The following TMEM266 variants were observed in gnomAD, a reference collection of about 807,000 sequenced individuals.
TMEM266 encodes transmembrane protein 266, also known as Hv1 related protein 1.
In TMEM266, 33 loss-of-function variants were observed where a neutral mutation model predicts 50.5. The observed-to-expected ratio is 0.65, with a 90% confidence interval of 0.50 to 0.87. TMEM266 has a LOEUF of 0.87. Among genes scored for constraint, TMEM266 ranks in the 40% least tolerant of loss-of-function variants. TMEM266 has a pLI of 0.00. For synonymous variants in TMEM266, 310 were observed against 292.3 expected (o/e 1.06, Z -0.62); for missense variants, 655 against 695.1 (o/e 0.94, Z 0.65).
At chr15:76,062,107 T>C (rs1414320123) in intron 1 of TMEM266, among the ~76,000 whole-genome samples, 2 of 152,236 alleles carry the variant, frequency 1.3e-5, no homozygotes, top group African/African-American at 2.4e-5. Context: ...GACTTAGAAA[T>C]TGCTGTAGTT....
chr15:76,159,020 C>T (rs2037971118), intron 4 of TMEM266, among the ~76,000 whole-genome samples: 1 of 144,860 alleles, frequency 6.9e-6, no homozygotes, highest in African/African-American at 2.7e-5. Flanking sequence ...TCCCTTGGCC[C>T]TGGGGGGGGT....
intron 1 of TMEM266, among the ~76,000 whole-genome samples, chr15:76,116,472 C>T (rs1413077839): frequency 1.3e-5 from 2 of 151,990 alleles, no homozygotes; most frequent in African/African-American, 2.4e-5. Context: ...TCAGAGACAC[C>T]GTCCTGTCCC....
At chr15:76,095,651 C>T (rs1157529918) in intron 1 of TMEM266, among the ~76,000 whole-genome samples, 1 of 152,024 alleles carries the variant, frequency 6.6e-6, no homozygotes, top group Non-Finnish European at 1.5e-5. Flanking sequence ...GGAGGATTCC[C>T]TCTTTTTCTA....
chr15:76,166,761 TAGAGACAG>T (rs1283035740), intron 5 of TMEM266, among the ~76,000 whole-genome samples: 3 of 152,140 alleles, frequency 2.0e-5, no homozygotes, highest in Non-Finnish European at 2.9e-5. Context: ...GTCAGATTCA[TAGAGACAG>T]AAAGTAGAAT....
intron 1 of TMEM266, among the ~76,000 whole-genome samples, chr15:76,067,632 C>CAA (rs1161784184): frequency 4.4e-5 from 3 of 67,470 alleles, no homozygotes; most frequent in African/African-American, 9.8e-5. Context: ...GGCTGCGTCT[C>CAA]AAAAAAAAAA....
At chr15:76,141,790 C>A in intron 3 of TMEM266, among the ~76,000 whole-genome samples, 1 of 152,194 alleles carries the variant, frequency 6.6e-6, no homozygotes, top group East Asian at 1.9e-4. Context: ...CTTTCTGTCC[C>A]TTTGAATTCG....
At chr15:76,135,384 C>T (rs1413914656) in intron 2 of TMEM266, among the ~76,000 whole-genome samples, 5 of 152,194 alleles carry the variant, frequency 3.3e-5, no homozygotes, top group East Asian at 3.8e-4. Flanking sequence ...GGTGCCGGGC[C>T]GCTGGGACCA....
At chr15:76,165,358 C>T (rs567379983) in intron 5 of TMEM266, among the ~76,000 whole-genome samples, 2 of 152,368 alleles carry the variant, frequency 1.3e-5, no homozygotes, top group South Asian at 2.1e-4. Context: ...ACCTCAGTTT[C>T]TGCATCTCTC....
intron 3 of TMEM266, among the ~76,000 whole-genome samples, chr15:76,142,747 C>T (rs191538703): frequency 6.6e-6 from 1 of 152,196 alleles, no homozygotes; most frequent in Non-Finnish European, 1.5e-5. Context: ...CTTGACTTGC[C>T]TAGAAGCCCT....
intron 8 of TMEM266, among the ~76,000 whole-genome samples, chr15:76,182,826 A>G (rs2038436880): frequency 6.6e-6 from 1 of 152,154 alleles, no homozygotes; most frequent in African/African-American, 2.4e-5. Context: ...TTCTTTGGCC[A>G]GATCCTGTAG....
intron 9 of TMEM266, among the ~76,000 whole-genome samples, chr15:76,201,255 C>T (rs1385282519): frequency 6.6e-6 from 1 of 152,198 alleles, no homozygotes; most frequent in Non-Finnish European, 1.5e-5. Context: ...GCCTCGCTGC[C>T]CTTGGAACAA....
At chr15:76,080,999 C>T (rs2036684733) in intron 1 of TMEM266, among the ~76,000 whole-genome samples, 1 of 152,148 alleles carries the variant, frequency 6.6e-6, no homozygotes, top group Non-Finnish European at 1.5e-5. Flanking sequence ...GACCCTTCCA[C>T]CTGGCCTCCC....
At chr15:76,141,039 C>A (rs1225712693) in intron 3 of TMEM266, among the ~76,000 whole-genome samples, 1 of 151,962 alleles carries the variant, frequency 6.6e-6, no homozygotes, top group Non-Finnish European at 1.5e-5. Context: ...CCTGTCTCAA[C>A]AACAACAAAA....
At chr15:76,109,239 G>A (rs1469797023) in intron 1 of TMEM266, 2 of 152,386 alleles carry the variant, frequency 1.3e-5, no homozygotes, top group African/African-American at 4.8e-5. Flanking sequence ...CAAAGGGTCA[G>A]GTGGAGTTGT....
intron 1 of TMEM266, among the ~76,000 whole-genome samples, chr15:76,120,185 T>C (rs1415467703): frequency 6.6e-6 from 1 of 152,028 alleles, no homozygotes; most frequent in Non-Finnish European, 1.5e-5. Context: ...TACAAGAATG[T>C]TTCTAATAGC....
intron 1 of TMEM266, among the ~76,000 whole-genome samples, chr15:76,121,492 C>T (rs139039924): frequency 0.019 from 2,848 of 152,220 alleles, 45 homozygotes; most frequent in Non-Finnish European, 0.029. Flanking sequence ...TATCAGCTCA[C>T]TGCAACCTCT....
intron 1 of TMEM266, among the ~76,000 whole-genome samples, chr15:76,089,863 T>C (rs1482194766): frequency 6.6e-6 from 1 of 151,838 alleles, no homozygotes; most frequent in Non-Finnish European, 1.5e-5. Context: ...TTCTGAGAGA[T>C]TTGAGAGGAT....
chr15:76,160,559 C>T lies in TMEM266; in HGVS notation c.456+391C>T, dbSNP rs1399653187. Among the ~76,000 whole-genome samples, 2 of 152,168 alleles carry T rather than the reference C, an allele frequency of 1.3e-5. No homozygotes were observed. The highest frequency in any genetic ancestry group is 1.9e-4 in the East Asian group (1 of 5,192). ...TGCCCACACAGGGAAGCTCTTGGGC[C>T]GCTGTGGCTGTGGTCTTGGGCCCAC... On this transcript the variant is annotated intron_variant, in intron 5 of 10. Transcript: ENST00000388942. The surrounding 1 kb of genome is among the most constrained non-coding windows in gnomAD (Gnocchi z 5.7).
At chr15:76,186,860 A>G (rs2038496805) in intron 8 of TMEM266, among the ~76,000 whole-genome samples, 1 of 152,166 alleles carries the variant, frequency 6.6e-6, no homozygotes, top group African/African-American at 2.4e-5. Flanking sequence ...TCTTTAAAAC[A>G]TCTTACTGTG....
Sources: gnomAD v4.1 joint callset for allele counts (sites outside exome capture counted in the v4.1 genomes callset) on GRCh38, gnomAD v4.1.1 for gene constraint, Gnocchi (gnomAD v3.1) non-coding constraint, MANE v1.5 for transcripts, NCBI Gene and HGNC (gene_info 2026-07-23, HGNC 2026-07-21) for gene names.